The following LMOD3 variants were observed in gnomAD, a reference collection of about 807,000 sequenced individuals.
LMOD3 encodes the protein leiomodin-3.
In LMOD3, 31 loss-of-function variants were observed where a neutral mutation model predicts 41.8. The ratio of observed to expected loss-of-function variants is 0.74; its 90% CI spans 0.56 to 1.00. The LOEUF is 1.00. Among genes scored for constraint, LMOD3 ranks in the 50% least tolerant of loss-of-function variants. The pLI, the probability that LMOD3 is intolerant of heterozygous loss-of-function variation, is 0.00. For missense variants in LMOD3, 755 were observed against 679.5 expected, an observed-to-expected ratio of 1.11 and a Z score of -1.23; for synonymous variants, 292 against 241.9, an observed-to-expected ratio of 1.21 and a Z score of -1.92.
chr3:69,111,374 G>C (rs1426814932), intron 2 of LMOD3, among the ~76,000 whole-genome samples: 2 of 152,192 alleles, frequency 1.3e-5, no homozygotes, highest in African/African-American at 4.8e-5. Context: ...ACTGCACCCT[G>C]CAGGGCTCTC....
rs186804776 is a variant in LMOD3 at position 69,107,036 on chromosome 3, C to T, written c.*2059G>A. 1.3e-5 allele frequency: 2 copies of T among 151,734 alleles called. No homozygotes were observed. The highest frequency in any genetic ancestry group is 2.9e-5 in the Non-Finnish European group (2 of 67,948). 9.4% of individuals were successfully genotyped at this position (151,734 alleles called of 1,614,324 possible). On this transcript the variant is annotated 3_prime_UTR_variant, in exon 3 of 3. Transcript: ENST00000420581. ...ATTTCAACTACTAATTTACATTAAGCTTTTAATTATGTTTAAAGTGCTTTT... is the reference window on the plus strand; with the variant it reads ...ATTTCAACTACTAATTTACATTAAGTTTTTAATTATGTTTAAAGTGCTTTT...
At chr3:69,110,332 C>A (rs1027335123) in intron 2 of LMOD3, among the ~76,000 whole-genome samples, 1 of 151,772 alleles carries the variant, frequency 6.6e-6, no homozygotes, top group Non-Finnish European at 1.5e-5. Flanking sequence ...CAGGTTCAAG[C>A]GATTCTCCTG....
chr3:69,119,337 G>C lies in LMOD3; in HGVS notation c.1018C>G (p.Leu340Val). The part of the protein sequence containing the change: ...IMRCLQFNET[L>V]TELRFHNQRH... The stretch of plus-strand genomic sequence containing the variant: ...TGATTGTGAAACCGAAGCTCAGTTA[G>C]CGTCTCATTAAACTGGAGACACCTC... The change falls in exon 2 of 3, where the codon CTA becomes GTA. Residue 340 changes from leucine (L) to valine (V), a missense_variant. Physicochemically the swap from Leu to Val is conservative, Grantham distance 32. Coordinates refer to ENST00000420581, the MANE Select transcript of LMOD3 (RefSeq NM_198271.5). 6.2e-7 allele frequency: 1 copy of C among 1,613,958 alleles called. No individual in the cohort carries two copies. Among genetic ancestry groups the C allele is most frequent in the African/African-American group, 1.3e-5 (1 of 75,036 alleles).
Position 69,121,672 on chromosome 3 carries a change from G to A in LMOD3, c.294+421C>T, listed in dbSNP as rs916946335. Among the ~76,000 whole-genome samples, 9 of 152,202 alleles carry A rather than the reference G, an allele frequency of 5.9e-5. No homozygotes were observed. The East Asian group carries it at 1.7e-3, about 29-fold the overall frequency. On this transcript the variant is annotated intron_variant, in intron 1 of 2. Transcript: ENST00000420581. ...GGAGGACTGAAATGTTTGACACTGT[G>A]TGCGAAACACTGCGTATGTTTGGAT...
chr3:69,118,337 C>G (rs1385298260), intron 2 of LMOD3, among the ~76,000 whole-genome samples: 1 of 152,178 alleles, frequency 6.6e-6, no homozygotes, highest in Non-Finnish European at 1.5e-5. Flanking sequence ...TTATTAAATT[C>G]TCTAAGCCTC....
chr3:69,106,693 AT>A lies in LMOD3; in HGVS notation c.*2401del, dbSNP rs373817195. 2.4e-3 allele frequency among the ~76,000 whole-genome samples: 325 copies of A among 137,626 alleles called. No individual in the cohort carries two copies. The highest frequency in any genetic ancestry group is 2.7e-3 in the Admixed American group (37 of 13,808). The allele number at this position is 137,626 out of a possible 152,430, so 90.3% of individuals were successfully genotyped here. On this transcript the variant is annotated 3_prime_UTR_variant, in exon 3 of 3. Coordinates refer to ENST00000420581, the MANE Select transcript of LMOD3 (RefSeq NM_198271.5). ...AACAAATGCATAGGGGCTTTCTAGA[AT>A]TTTTTTTTTTTTTTTGAGATGAGGT...
rs1023819217 is a variant in LMOD3 at position 69,107,476 on chromosome 3, T to G, written c.*1619A>C. The G allele has an allele frequency of 4.4e-5, 5 of 113,054 alleles. No individual in the cohort carries two copies. In the East Asian group the frequency reaches 9.4e-4, roughly 21 times the overall value. The allele number at this position is 113,054 out of a possible 1,614,324, so 7.0% of individuals were successfully genotyped here. A position where few individuals can be genotyped will look rare whatever the true frequency, so the allele number is the denominator to read the frequency against. On this transcript the variant is annotated 3_prime_UTR_variant, in exon 3 of 3. Transcript: ENST00000420581. ...AGGTTTTTTTTTTTTTTTTTTTTTT[T>G]TTTTTTTTTTTTTTTTTTGAGATGG... is the stretch of plus-strand genomic sequence containing the variant.
At chr3:69,117,720 G>T (rs750661783) in intron 2 of LMOD3, among the ~76,000 whole-genome samples, 1 of 152,038 alleles carries the variant, frequency 6.6e-6, no homozygotes, top group Non-Finnish European at 1.5e-5. Context: ...TGCCTAAAAA[G>T]TGAGCAATAC....
chr3:69,119,601 C>G lies in LMOD3; in HGVS notation c.754G>C (p.Asp252His). The change falls in exon 2 of 3, where the codon GAT becomes CAT. Residue 252 changes from aspartate (D) to histidine (H), a missense_variant. Transcript: ENST00000420581. ...DGSLRRVRKN[D>H]PDMKELNLNN... ...AGGTTGAGTTCCTTCATGTCAGGAT[C>G]ATTTTTCCTAACTCTCCTCAAGCTC... The G allele has an allele frequency of 6.2e-7, 1 of 1,613,730 alleles. No individual in the cohort carries two copies. The highest frequency in any genetic ancestry group is 8.5e-7 in the Non-Finnish European group (1 of 1,179,856).
rs2092393139 is a variant in LMOD3 at position 69,119,172 on chromosome 3, C to A, written c.1183G>T (p.Asp395Tyr). ...VVTNLLTRNQ[D>Y]KQRQKRQEEQ... ...TCCTGTCGTTTCTGCCTTTGTTTAT[C>A]CTGATTCCTGGTGAGCAGATTAGTG... The change falls in exon 2 of 3, where the codon GAT (aspartate) becomes TAT (tyrosine). Residue 395 changes from aspartate (D) to tyrosine (Y), a missense_variant. Transcript: ENST00000420581. The A allele has an allele frequency of 1.2e-6, 2 of 1,613,404 alleles. No homozygotes were observed. Among genetic ancestry groups the A allele is most frequent in the Non-Finnish European group, 1.7e-6 (2 of 1,179,760 alleles).
intron 2 of LMOD3, among the ~76,000 whole-genome samples, chr3:69,115,283 A>C (rs1464816828): frequency 6.6e-6 from 1 of 152,044 alleles, no homozygotes; most frequent in Non-Finnish European, 1.5e-5. Context: ...AGAATTTGAG[A>C]CCAGCCAGGG....
Position 69,118,076 on chromosome 3 carries a change from T to C in LMOD3, c.1656+623A>G, listed in dbSNP as rs144575237. On this transcript the variant is annotated intron_variant, in intron 2 of 2. Coordinates refer to ENST00000420581, the MANE Select transcript of LMOD3 (RefSeq NM_198271.5). ...TGATCTCTTGACCTTGTGATCCACC[T>C]GCTTTGGCCTCCCAAAGTGCTGGGA... Among the ~76,000 whole-genome samples the C allele has an allele frequency of 3.5e-3, 526 of 152,328 alleles. 2 individuals carry two copies. Among genetic ancestry groups the C allele is most frequent in the Non-Finnish European group, 6.2e-3 (425 of 68,040 alleles).
rs537728395 is a variant in LMOD3 at position 69,108,270 on chromosome 3, C to A, written c.*825G>T. On this transcript the variant is annotated 3_prime_UTR_variant, in exon 3 of 3. Coordinates refer to ENST00000420581, the MANE Select transcript of LMOD3 (RefSeq NM_198271.5). ...GTGTGTGTGTGTATTTAGCCAAAAC[C>A]AAAAGCTTGTCAATAACTATATTAT... The A allele has an allele frequency of 3.3e-5, 5 of 151,890 alleles. No individual in the cohort carries two copies. Among genetic ancestry groups the A allele is most frequent in the African/African-American group, 1.2e-4 (5 of 41,388 alleles). The allele number at this position is 151,890 out of a possible 1,614,324, so 9.4% of individuals were successfully genotyped here.
In LMOD3 at chr3:69,119,902, T is replaced by A. The variant is rs376142558; in HGVS notation, c.453A>T (p.Glu151Asp). Reference sequence around the variant, plus strand: ...CTCCTTCGTCGTCATCATCATCATCTTCTTCTTCTTCATCTTCTTCATCTG... The same window carrying A: ...CTCCTTCGTCGTCATCATCATCATCATCTTCTTCTTCATCTTCTTCATCTG... ...QETDEEDEEE[E>D]DDDDDDEGED... is the part of the protein sequence containing the mutation. Residue 151 changes from glutamate to aspartate, a missense_variant, in exon 2 of 3, where the codon GAA (glutamate) becomes GAT (aspartate). Coordinates refer to ENST00000420581, the MANE Select transcript of LMOD3 (RefSeq NM_198271.5). 317 of 1,534,624 alleles carry A rather than the reference T, an allele frequency of 2.1e-4. 1 individual carries two copies. Among genetic ancestry groups the A allele is most frequent in the Admixed American group, 2.9e-4 (15 of 51,160 alleles).
rs2092389021 is a variant in LMOD3, at chr3:69,118,741, C to A, written c.1614G>T (p.Leu538=). 2 of 1,612,738 alleles carry A rather than the reference C, an allele frequency of 1.2e-6. No homozygotes were observed. The highest frequency in any genetic ancestry group is 1.7e-6 in the Non-Finnish European group (2 of 1,179,668). ...PLVEITPRDQ[L]LNDIRHSSVA... The stretch of plus-strand genomic sequence containing the variant: ...CACTGCTGTGACGAATGTCGTTTAG[C>A]AGCTGATCTCTGGGAGTGATTTCCA... The change falls in exon 2 of 3, where the codon CTG becomes CTT. Residue 538 remains leucine (L), a synonymous_variant. Coordinates refer to ENST00000420581, the MANE Select transcript of LMOD3 (RefSeq NM_198271.5).
intron 2 of LMOD3, among the ~76,000 whole-genome samples, chr3:69,116,500 A>G (rs72924880): frequency 6.6e-6 from 1 of 152,196 alleles, no homozygotes; most frequent in South Asian, 2.1e-4. Flanking sequence ...CACCACCACC[A>G]AATACACTTA....
At chr3:69,113,580 T>C (rs2092358834) in intron 2 of LMOD3, among the ~76,000 whole-genome samples, 1 of 152,256 alleles carries the variant, frequency 6.6e-6, no homozygotes, top group Admixed American at 6.5e-5. Flanking sequence ...GATATTATTA[T>C]ACTGAAGTCT....
chr3:69,108,878 C>G lies in LMOD3; in HGVS notation c.*217G>C, dbSNP rs892806516. On this transcript the variant is annotated 3_prime_UTR_variant, in exon 3 of 3. Coordinates refer to ENST00000420581, the MANE Select transcript of LMOD3 (RefSeq NM_198271.5). ...TGATTGCAAGTAGAAAATATTGCCTCTAAATATTATATTTTATCTCCTTCC... is the reference window on the plus strand; with the variant it reads ...TGATTGCAAGTAGAAAATATTGCCTGTAAATATTATATTTTATCTCCTTCC... 1.5e-5 allele frequency: 6 copies of G among 413,612 alleles called. No individual in the cohort carries two copies. Among genetic ancestry groups the G allele is most frequent in the African/African-American group, 1.2e-4 (6 of 48,820 alleles). The allele number at this position is 413,612 out of a possible 1,614,324, so 25.6% of individuals were successfully genotyped here.
chr3:69,118,759 G>A lies in LMOD3; in HGVS notation c.1596C>T (p.Ile532=). The change falls in exon 2 of 3, where the codon ATC becomes ATT. Residue 532 remains isoleucine (I), a synonymous_variant. Transcript: ENST00000420581. Reference sequence around the variant, plus strand: ...CGTTTAGCAGCTGATCTCTGGGAGTGATTTCCACCAATGGGGGTGGCCTGT... The same window carrying A: ...CGTTTAGCAGCTGATCTCTGGGAGTAATTTCCACCAATGGGGGTGGCCTGT... The part of the protein sequence containing the change: ...PRNRPPPLVE[I]TPRDQLLNDI... 2 of 1,612,424 alleles carry A rather than the reference G, an allele frequency of 1.2e-6. No individual in the cohort carries two copies.
Sources: allele counts gnomAD v4.1 joint callset (sites outside exome capture counted in the v4.1 genomes callset), GRCh38; gene constraint gnomAD v4.1.1; transcripts MANE v1.5; gene names NCBI Gene and HGNC (gene_info 2026-07-23, HGNC 2026-07-21).